The following SLC10A4 variants were observed in gnomAD, a reference collection of about 807,000 sequenced individuals.
SLC10A4 encodes putative sodium/bile acid cotransporter 4.
A neutral mutation model predicts 22.5 loss-of-function variants in SLC10A4; 17 were observed. The ratio of observed to expected loss-of-function variants is 0.76; its 90% CI spans 0.52 to 1.14. The LOEUF is 1.14. SLC10A4 is among the 50% of genes most tolerant of loss of function. The pLI, the probability that SLC10A4 is intolerant of heterozygous loss-of-function variation, is 0.00. For missense variants in SLC10A4, 548 were observed against 584.0 expected, an observed-to-expected ratio of 0.94 and a Z score of 0.64; for synonymous variants, 257 against 258.2, an observed-to-expected ratio of 1.00 and a Z score of 0.04.
chr4:48,486,180 T>G (rs1718278824), intron 2 of SLC10A4, among the ~76,000 whole-genome samples: 3 of 152,174 alleles, frequency 2.0e-5, no homozygotes, highest in East Asian at 3.8e-4. Flanking sequence ...GTAATTTGAT[T>G]ATATAGAGTC....
intron 2 of SLC10A4, among the ~76,000 whole-genome samples, chr4:48,486,045 G>A (rs141841696): frequency 4.6e-5 from 7 of 152,090 alleles, no homozygotes; most frequent in Non-Finnish European, 8.8e-5. Context: ...AATAAAATAC[G>A]TAACTATTAC....
intron 2 of SLC10A4, among the ~76,000 whole-genome samples, 186 bp from the exon 3 acceptor site, chr4:48,488,237 ACAAT>A (rs1021794826): frequency 6.7e-6 from 1 of 150,200 alleles, no homozygotes; most frequent in Non-Finnish European, 1.5e-5. Context: ...AGGCCTCCAA[ACAAT>A]CAGAGCTGCC....
At position 48,484,017 on chromosome 4, in the gene SLC10A4, G is replaced by A. The variant is rs764419294; in HGVS notation, c.456G>A (p.Leu152=). 1 of 1,592,300 alleles carries A rather than the reference G, an allele frequency of 6.3e-7. No individual in the cohort carries two copies. Among genetic ancestry groups the A allele is most frequent in the South Asian group, 1.1e-5 (1 of 89,488 alleles). The change falls in exon 1 of 3, where the codon CTG becomes CTA. Residue 152 remains leucine, a synonymous_variant. Coordinates refer to ENST00000273861, the MANE Select transcript of SLC10A4 (RefSeq NM_152679.4). ...AALCQFGLLP[L]LAFLLALAFK... ...TCTGCCAGTTCGGCCTCCTGCCGCT[G>A]CTGGCCTTCCTGCTGGCCCTCGCCT...
At position 48,483,790 on chromosome 4, in the gene SLC10A4, G is replaced by T; in HGVS notation, c.229G>T (p.Ala77Ser). 1 of 1,502,802 alleles carries T rather than the reference G, an allele frequency of 6.7e-7. No homozygotes were observed. Among genetic ancestry groups the T allele is most frequent in the Non-Finnish European group, 8.8e-7 (1 of 1,132,854 alleles). The allele number at this position is 1,502,802 out of a possible 1,614,324, so 93.1% of individuals were successfully genotyped here. Residue 77 changes from alanine to serine, a missense_variant, in exon 1 of 3, where the codon GCG becomes TCG. This residue lies in a region of SLC10A4 where 225 missense variants were observed against 206.9 expected (regional missense o/e 1.09). Transcript: ENST00000273861. This position sits in a 1 kb window ranked among gnomAD's most constrained non-coding sequence, Gnocchi z 5.4. Reference protein sequence around the residue: ...EPTTSGLAGGAASHGPSPFPR... With the variant: ...EPTTSGLAGGSASHGPSPFPR... ...CACGACCAGCGGCCTCGCGGGCGGC[G>T]CGGCGAGCCACGGCCCTTCCCCGTT...
intron 2 of SLC10A4, among the ~76,000 whole-genome samples, chr4:48,487,090 A>C (rs1054507962): frequency 6.6e-5 from 10 of 152,164 alleles, no homozygotes; most frequent in African/African-American, 2.4e-4. Flanking sequence ...GAGGAGAGGA[A>C]TTTTTAGATT....
rs1186570847 is a variant in SLC10A4, at chr4:48,483,411, C to T, written c.-151C>T. The T allele has an allele frequency of 8.8e-5, 43 of 488,866 alleles. 1 individual carries two copies. In the Admixed American group the frequency reaches 1.7e-3, roughly 19 times the overall value. The allele number at this position is 488,866 out of a possible 1,614,324, so 30.3% of individuals were successfully genotyped here. On this transcript the variant is annotated 5_prime_UTR_variant, in exon 1 of 3. Coordinates refer to ENST00000273861, the MANE Select transcript of SLC10A4 (RefSeq NM_152679.4). This position sits in a 1 kb window ranked among gnomAD's most constrained non-coding sequence, Gnocchi z 5.4. The stretch of plus-strand genomic sequence containing the variant: ...TGCAGACCTGGGAGCGGAGACCGGC[C>T]CGCCGCCCCCGACGCCGCCGAGCAC...
intron 2 of SLC10A4, among the ~76,000 whole-genome samples, chr4:48,486,784 G>A (rs1718290000): frequency 6.6e-6 from 1 of 152,090 alleles, no homozygotes; most frequent in Non-Finnish European, 1.5e-5. Context: ...CTTTGAAATG[G>A]TATGCTTTTA....
At position 48,483,712 on chromosome 4, in the gene SLC10A4, G is replaced by C. The variant is rs1477656952; in HGVS notation, c.151G>C (p.Gly51Arg). Reference sequence around the variant, plus strand: ...CGGCCCCGGCCCTGGGCTCAGCCTCGGGCCGGGTCCGAGCTTCGGCTTCAG... The same window carrying C: ...CGGCCCCGGCCCTGGGCTCAGCCTCCGGCCGGGTCCGAGCTTCGGCTTCAG... Reference protein sequence around the residue: ...SAGPGPGLSLGPGPSFGFSPG... With the variant: ...SAGPGPGLSLRPGPSFGFSPG... Residue 51 changes from glycine (G) to arginine (R), a missense_variant, in exon 1 of 3, where the codon GGG becomes CGG. Transcript: ENST00000273861. This position sits in a 1 kb window ranked among gnomAD's most constrained non-coding sequence, Gnocchi z 5.4. 5 of 1,434,904 alleles carry C rather than the reference G, an allele frequency of 3.5e-6. No homozygotes were observed. Among genetic ancestry groups the C allele is most frequent in the Non-Finnish European group, 4.5e-6 (5 of 1,104,430 alleles). 88.9% of individuals were successfully genotyped at this position (1,434,904 alleles called of 1,614,324 possible).
At chr4:48,485,282 A>G in intron 2 of SLC10A4, 140 bp downstream of exon 2, 1 of 765,410 alleles carries the variant, frequency 1.3e-6, no homozygotes, top group East Asian at 2.7e-5. Context: ...ATTTTTTTTA[A>G]AAAGTTTATG....
rs766463451 is a variant in SLC10A4, at chr4:48,484,169, C to G, written c.590+18C>G. The G allele has an allele frequency of 1.3e-6, 2 of 1,538,960 alleles. No homozygotes were observed. The highest frequency in any genetic ancestry group is 1.9e-5 in the Admixed American group (1 of 52,950). On this transcript the variant is annotated intron_variant, in intron 1 of 2. Transcript: ENST00000273861. Reference sequence around the variant, plus strand: ...AACCTCAGGTACGGATCTGTCTATTCCTTGGGCATCTGTCTCATCCCAGAC... The same window carrying G: ...AACCTCAGGTACGGATCTGTCTATTGCTTGGGCATCTGTCTCATCCCAGAC...
intron 2 of SLC10A4, among the ~76,000 whole-genome samples, chr4:48,485,734 G>A (rs1268827989): frequency 1.3e-5 from 2 of 152,140 alleles, no homozygotes; most frequent in Non-Finnish European, 2.9e-5. Context: ...AATAATGGAG[G>A]TTATGTTGAC....
At position 48,483,453 on chromosome 4, in the gene SLC10A4, C is replaced by A. The variant is rs1362755626; in HGVS notation, c.-109C>A. 6 of 883,998 alleles carry A rather than the reference C, an allele frequency of 6.8e-6. No homozygotes were observed. The highest frequency in any genetic ancestry group is 4.7e-6 in the Non-Finnish European group (3 of 641,054). 54.8% of individuals were successfully genotyped at this position (883,998 alleles called of 1,614,324 possible). A position where few individuals can be genotyped will look rare whatever the true frequency, so the allele number is the denominator to read the frequency against. ...GCCGAGCACGTCAGCGGCGCGCAGC[C>A]GGGGCTCGGAGACCGACGGGCAGAA... On this transcript the variant is annotated 5_prime_UTR_variant, in exon 1 of 3. Coordinates refer to ENST00000273861, the MANE Select transcript of SLC10A4 (RefSeq NM_152679.4). This position sits in a 1 kb window ranked among gnomAD's most constrained non-coding sequence, Gnocchi z 5.4.
intron 2 of SLC10A4, among the ~76,000 whole-genome samples, chr4:48,488,116 T>G (rs1718313225): frequency 6.6e-6 from 1 of 150,892 alleles, no homozygotes; most frequent in Non-Finnish European, 1.5e-5. Context: ...AAGCTGGGTT[T>G]TTTTGTTTGT....
intron 1 of SLC10A4, among the ~76,000 whole-genome samples, 166 bp downstream of exon 1, chr4:48,484,317 C>A (rs933385813): frequency 6.6e-6 from 1 of 152,188 alleles, no homozygotes; most frequent in African/African-American, 2.4e-5. Context: ...GAAGTCAAGG[C>A]CGACCTGCAG....
chr4:48,488,220 T>TTTGG (rs1274241347), intron 2 of SLC10A4, among the ~76,000 whole-genome samples: 2 of 150,416 alleles, frequency 1.3e-5, no homozygotes, highest in Non-Finnish European at 3.0e-5. Flanking sequence ...TCCCTGGACA[T>TTTGG]AAGGACAGGC....
intron 1 of SLC10A4, 22 bp from the exon 2 acceptor site, chr4:48,484,910 C>T (rs373708529): frequency 1.2e-4 from 194 of 1,604,852 alleles, no homozygotes; most frequent in Non-Finnish European, 1.5e-4. Flanking sequence ...GTTCTGATTT[C>T]TGCACATTCC....
At chr4:48,484,299 C>T in intron 1 of SLC10A4, 148 bp downstream of exon 1, 4 of 835,922 alleles carry the variant, frequency 4.8e-6, no homozygotes, top group South Asian at 5.1e-5. Context: ...GATGACGCCC[C>T]GGCTTTAGAA....
chr4:48,483,347 G>C lies in SLC10A4; in HGVS notation c.-215G>C, dbSNP rs1010025137. On this transcript the variant is annotated 5_prime_UTR_variant, in exon 1 of 3. Coordinates refer to ENST00000273861, the MANE Select transcript of SLC10A4 (RefSeq NM_152679.4). This position sits in a 1 kb window ranked among gnomAD's most constrained non-coding sequence, Gnocchi z 5.4. ...GCCGGCGCAGCGATTGGGTTCACCC[G>C]GGGGGCCGCGCTGCGCGGAGTGCCA... 8.6e-6 allele frequency: 2 copies of C among 232,846 alleles called. No homozygotes were observed. The highest frequency in any genetic ancestry group is 1.6e-5 in the Non-Finnish European group (2 of 122,164). 14.4% of individuals were successfully genotyped at this position (232,846 alleles called of 1,614,324 possible).
intron 2 of SLC10A4, among the ~76,000 whole-genome samples, chr4:48,486,456 A>G (rs1718283418): frequency 6.6e-6 from 1 of 150,974 alleles, no homozygotes; most frequent in African/African-American, 2.4e-5. Flanking sequence ...GAGAAAGTCA[A>G]TCAAATGACC....
Sources: gnomAD v4.1 joint callset for allele counts (sites outside exome capture counted in the v4.1 genomes callset) on GRCh38, gnomAD v4.1.1 for gene constraint, gnomAD v4.1.1 regional missense constraint, Gnocchi (gnomAD v3.1) non-coding constraint, MANE v1.5 for transcripts, NCBI Gene and HGNC (gene_info 2026-07-23, HGNC 2026-07-21) for gene names.